The following TENM3 variants were observed in gnomAD, a reference collection of about 807,000 sequenced individuals.
The protein encoded by TENM3 is teneurin-3.
TENM3 carries 63 observed loss-of-function variants against 255.1 expected under a neutral mutation model. The observed-to-expected ratio is 0.25, with a 90% CI of 0.20 to 0.30. The LOEUF is 0.30. Among genes scored for constraint, TENM3 ranks in the 10% least tolerant of loss-of-function variants. The pLI, the probability that TENM3 is intolerant of heterozygous loss-of-function variation, is 1.00. For synonymous variants in TENM3, 1,306 were observed against 1,322.3 expected (o/e 0.99, Z 0.27); for missense variants, 2,929 against 3,461.1 (o/e 0.85, Z 3.86).
chr4:182,243,859 T>G (rs1349915717), intron 1 of TENM3, among the ~76,000 whole-genome samples: 1 of 151,288 alleles, frequency 6.6e-6, no homozygotes. Flanking sequence ...GGAAAGGAAA[T>G]GAAAGAGAGG....
At chr4:181,702,213 G>A in the TENM3 span, among the ~76,000 whole-genome samples, 1 of 152,178 alleles carries the variant, frequency 6.6e-6, no homozygotes, top group East Asian at 1.9e-4. Flanking sequence ...GAGGCTTCTG[G>A]TCCTCGCTGT....
intron 3 of TENM3, among the ~76,000 whole-genome samples, chr4:182,549,196 G>A (rs1283536625): frequency 6.6e-6 from 1 of 152,222 alleles, no homozygotes; most frequent in Non-Finnish European, 1.5e-5. Context: ...TTGTGTGCAT[G>A]CTGGTAGATG....
At chr4:182,240,659 G>T (rs543446972), upstream of TENM3, among the ~76,000 whole-genome samples, 1 of 152,274 alleles carries the variant, frequency 6.6e-6, no homozygotes, top group Admixed American at 6.5e-5. Context: ...GCGAGTCCCG[G>T]CCCTGCAGCC....
At chr4:182,219,495 C>G (rs1374329349) in intron 1 of TENM3, among the ~76,000 whole-genome samples, 1 of 151,930 alleles carries the variant, frequency 6.6e-6, no homozygotes, top group East Asian at 1.9e-4. Flanking sequence ...AGACCCCTAC[C>G]TGTAGAAAAA....
At chr4:182,015,400 G>A in the TENM3 span, among the ~76,000 whole-genome samples, 1 of 152,180 alleles carries the variant, frequency 6.6e-6, no homozygotes, top group Non-Finnish European at 1.5e-5. Flanking sequence ...TTTAAAAATA[G>A]CATTCTGAAC....
the TENM3 span, among the ~76,000 whole-genome samples, chr4:181,543,223 C>A: frequency 6.6e-6 from 1 of 152,144 alleles, no homozygotes; most frequent in South Asian, 2.1e-4. Context: ...CGTGTGTACT[C>A]AAAGCCGGGC....
chr4:181,622,954 G>A, the TENM3 span, among the ~76,000 whole-genome samples: 105 of 152,148 alleles, frequency 6.9e-4, no homozygotes, highest in African/African-American at 2.3e-3. Flanking sequence ...AATGCCATGC[G>A]TTACCCTTCC....
At chr4:182,025,926 TCAACTCGTCATTTA>T in the TENM3 span, among the ~76,000 whole-genome samples, 1 of 152,188 alleles carries the variant, frequency 6.6e-6, no homozygotes, top group Non-Finnish European at 1.5e-5. Context: ...GCTGCACCCA[TCAACTCGTCATTTA>T]CATTAGGTAT....
the TENM3 span, among the ~76,000 whole-genome samples, chr4:181,923,193 GA>G: frequency 1.3e-5 from 2 of 152,098 alleles, no homozygotes; most frequent in Non-Finnish European, 2.9e-5. Flanking sequence ...GTGCGGTGCT[GA>G]AAAAAATATA....
At chr4:181,704,423 G>T in the TENM3 span, among the ~76,000 whole-genome samples, 26 of 152,300 alleles carry the variant, frequency 1.7e-4, 1 homozygote, top group South Asian at 4.4e-3. Context: ...AAAGGGAAAA[G>T]TTGCAGCTTC....
At chr4:182,382,643 C>T (rs1310781871) in intron 3 of TENM3, among the ~76,000 whole-genome samples, 2 of 152,092 alleles carry the variant, frequency 1.3e-5, no homozygotes, top group African/African-American at 4.8e-5. Context: ...CCGGGGTGCC[C>T]AGGCTGCCTC....
intron 3 of TENM3, among the ~76,000 whole-genome samples, chr4:182,462,663 G>A (rs189792828): frequency 6.6e-6 from 1 of 151,864 alleles, no homozygotes; most frequent in African/African-American, 2.4e-5. Flanking sequence ...CAGGTGGACG[G>A]ATCACCTGAG....
the TENM3 span, among the ~76,000 whole-genome samples, chr4:182,098,567 G>A: frequency 2.0e-4 from 31 of 152,292 alleles, 2 homozygotes; most frequent in Middle Eastern, 3.4e-3. Context: ...TGTAAAATAA[G>A]CCAGGCACAG....
the TENM3 span, among the ~76,000 whole-genome samples, chr4:181,676,846 G>A: frequency 3.9e-5 from 6 of 152,030 alleles, no homozygotes; most frequent in East Asian, 1.9e-4. Context: ...TGACCAATGC[G>A]ATCCAGATCA....
chr4:182,296,644 G>A (rs1047956461), intron 1 of TENM3, among the ~76,000 whole-genome samples: 19 of 152,220 alleles, frequency 1.2e-4, no homozygotes, highest in Admixed American at 2.6e-4. Context: ...TTACAGAAAC[G>A]TGTTTAGCAC....
the TENM3 span, among the ~76,000 whole-genome samples, chr4:181,620,044 C>T: frequency 4.3e-4 from 65 of 152,138 alleles, no homozygotes; most frequent in African/African-American, 1.4e-3. Context: ...GCAGATCACT[C>T]GAGCCCAGGA....
the TENM3 span, among the ~76,000 whole-genome samples, chr4:181,651,496 G>GT: frequency 6.6e-6 from 1 of 151,812 alleles, no homozygotes; most frequent in East Asian, 1.9e-4. Flanking sequence ...GCTGAGGCAA[G>GT]AGAATCACTT....
the TENM3 span, among the ~76,000 whole-genome samples, chr4:182,056,457 G>C: frequency 6.6e-6 from 1 of 152,260 alleles, no homozygotes; most frequent in African/African-American, 2.4e-5. Flanking sequence ...AACAGAGTTA[G>C]CTCCTGGTAA....
chr4:181,658,652 C>T, the TENM3 span, among the ~76,000 whole-genome samples: 1 of 152,284 alleles, frequency 6.6e-6, no homozygotes, highest in East Asian at 1.9e-4. Flanking sequence ...CACGATGGAG[C>T]AGAGAGCATT....
Sources: gnomAD v4.1 joint callset for allele counts (sites outside exome capture counted in the v4.1 genomes callset) on GRCh38, gnomAD v4.1.1 for gene constraint, MANE v1.5 for transcripts, NCBI Gene and HGNC (gene_info 2026-07-23, HGNC 2026-07-21) for gene names.